Variants in EHHADH observed in about 807,000 individuals in gnomAD.
The protein encoded by EHHADH is enoyl-CoA hydratase and 3-hydroxyacyl CoA dehydrogenase.
EHHADH carries 48 observed loss-of-function variants against 64.4 expected under a neutral mutation model. The observed-to-expected ratio is 0.75, with a 90% CI of 0.59 to 0.95. The LOEUF is 0.95. Among genes scored for constraint, EHHADH ranks in the 40% least tolerant of loss-of-function variants. The probability of loss-of-function intolerance (pLI) is 0.00; values close to 1 mark genes in which losing one functional copy is unlikely to be tolerated. For missense variants in EHHADH, 854 were observed against 876.6 expected (o/e 0.97, Z 0.33); for synonymous variants, 308 against 326.7 (o/e 0.94, Z 0.62).
At chr3:185,228,257 A>AAAAAAAAACTATATAT (rs1367786172) in intron 4 of EHHADH, among the ~76,000 whole-genome samples, 1 of 21,994 alleles carries the variant, frequency 4.5e-5, no homozygotes, top group Non-Finnish European at 1.1e-4. Flanking sequence ...AAAAAAAAAA[A>AAAAAAAAACTATATAT]ATATATATAT....
intron 6 of EHHADH, among the ~76,000 whole-genome samples, chr3:185,195,923 A>C (rs774338458): frequency 2.0e-5 from 3 of 152,212 alleles, no homozygotes; most frequent in Non-Finnish European, 2.9e-5. Flanking sequence ...CCCTGAATCT[A>C]AAATAAAATT....
intron 2 of EHHADH, among the ~76,000 whole-genome samples, chr3:185,247,610 A>G (rs1719630085): frequency 6.6e-6 from 1 of 152,142 alleles, no homozygotes; most frequent in East Asian, 1.9e-4. Context: ...GATAAATGGT[A>G]ATATTATAAT....
chr3:185,201,729 A>G (rs1718232768), intron 6 of EHHADH, among the ~76,000 whole-genome samples: 1 of 152,214 alleles, frequency 6.6e-6, no homozygotes, highest in Non-Finnish European at 1.5e-5. Context: ...TTTCAAAACA[A>G]TGTGGATATC....
At chr3:185,203,365 TA>T (rs1362872612) in intron 6 of EHHADH, among the ~76,000 whole-genome samples, 5 of 152,024 alleles carry the variant, frequency 3.3e-5, no homozygotes, top group African/African-American at 1.2e-4. Flanking sequence ...TAATTATGAT[TA>T]AAAAAACTTA....
At chr3:185,208,048 AT>A (rs1159722823) in intron 5 of EHHADH, among the ~76,000 whole-genome samples, 3 of 152,258 alleles carry the variant, frequency 2.0e-5, no homozygotes, top group Non-Finnish European at 2.9e-5. Flanking sequence ...ACTCTAAGTA[AT>A]GGGCTGTCAT....
intron 4 of EHHADH, 120 bp from the exon 5 acceptor site, chr3:185,218,360 T>C: frequency 1.8e-6 from 1 of 558,274 alleles, no homozygotes. Context: ...TATTATTGAA[T>C]AAAATAAGTA....
In EHHADH at chr3:185,235,357, T is replaced by TG. The variant is rs749442251; in HGVS notation, c.283dup (p.Gln95ProfsTer18). On this transcript the variant is annotated frameshift_variant, in exon 3 of 7. Coordinates refer to ENST00000231887, the MANE Select transcript of EHHADH (RefSeq NM_001966.4). LOFTEE classifies it high-confidence loss of function. ...TAGTCCCCCTCCGAAAGCCATGCCTTGGATTGCTGCCACCACGGGCTTCTC... is the reference window on the plus strand; with the variant it reads ...TAGTCCCCCTCCGAAAGCCATGCCTTGGGATTGCTGCCACCACGGGCTTCTC... The TG allele has an allele frequency of 6.2e-7, 1 of 1,614,020 alleles. No homozygotes were observed. Among genetic ancestry groups the TG allele is most frequent in the Non-Finnish European group, 8.5e-7 (1 of 1,179,966 alleles).
chr3:185,253,965 G>A lies in EHHADH; in HGVS notation c.58C>T (p.Pro20Ser). The A allele has an allele frequency of 6.2e-7, 1 of 1,614,030 alleles. No individual in the cohort carries two copies. Among genetic ancestry groups the A allele is most frequent in the South Asian group, 1.1e-5 (1 of 91,082 alleles). ...ALALIRLRNP[P>S]VNAISTTLLR... ...GCCCGTTACCTGATCGCGTTGACCG[G>A]CGGGTTTCGGAGGCGGATTAGCGCC... Residue 20 changes from proline (P) to serine (S), a missense_variant, in exon 1 of 7, where the codon CCG (proline) becomes TCG (serine). Transcript: ENST00000231887.
At chr3:185,221,009 T>TAGA (rs767525814) in intron 4 of EHHADH, among the ~76,000 whole-genome samples, 1 of 152,238 alleles carries the variant, frequency 6.6e-6, no homozygotes, top group Non-Finnish European at 1.5e-5. Flanking sequence ...ATCATATTCT[T>TAGA]ACTGTTTTTA....
At position 185,192,418 on chromosome 3, in the gene EHHADH, C is replaced by G. The variant is rs201266244; in HGVS notation, c.1980G>C (p.Lys660Asn). 10 of 1,614,094 alleles carry G rather than the reference C, an allele frequency of 6.2e-6. No individual in the cohort carries two copies. The highest frequency in any genetic ancestry group is 7.6e-6 in the Non-Finnish European group (9 of 1,180,054). Residue 660 changes from lysine to asparagine, a missense_variant, in exon 7 of 7, where the codon AAG becomes AAC. Coordinates refer to ENST00000231887, the MANE Select transcript of EHHADH (RefSeq NM_001966.4). ...YLHGYGWPRH[K>N]GGPMFYASTV... is the part of the protein sequence containing the mutation. ...TGGAAGCATAGAACATGGGCCCGCC[C>G]TTGTGCCTTGGCCATCCATATCCAT... is the stretch of plus-strand genomic sequence containing the variant.
chr3:185,253,542 A>G (rs1719806272), intron 1 of EHHADH, among the ~76,000 whole-genome samples: 1 of 149,612 alleles, frequency 6.7e-6, no homozygotes. Context: ...CACGTTGTGC[A>G]CATGTACCCT....
intron 4 of EHHADH, among the ~76,000 whole-genome samples, chr3:185,225,195 C>T (rs1718941861): frequency 6.6e-6 from 1 of 152,168 alleles, no homozygotes; most frequent in Admixed American, 6.5e-5. Context: ...TTTGACATCT[C>T]CACTTGGATG....
At chr3:185,225,647 G>C (rs1361843392) in intron 4 of EHHADH, among the ~76,000 whole-genome samples, 1 of 152,064 alleles carries the variant, frequency 6.6e-6, no homozygotes, top group Non-Finnish European at 1.5e-5. Flanking sequence ...CACAAGAAAA[G>C]CCAAAGTTCT....
chr3:185,204,617 C>T lies in EHHADH; in HGVS notation c.709G>A (p.Val237Ile), dbSNP rs747529583. The change falls in exon 6 of 7, where the codon GTC (valine) becomes ATC (isoleucine). Residue 237 changes from valine (V) to isoleucine (I), a missense_variant. Transcript: ENST00000231887. ...CLAQEACVRA[V>I]QAAVQYPYEV... ...TAGGGATACTGCACAGCAGCCTGGA[C>T]TGCACGGACACAAGCCTCCTGTGCA... 4 of 1,614,234 alleles carry T rather than the reference C, an allele frequency of 2.5e-6. No homozygotes were observed. The highest frequency in any genetic ancestry group is 3.4e-6 in the Non-Finnish European group (4 of 1,180,030).
chr3:185,197,520 A>G (rs1718097708), intron 6 of EHHADH, among the ~76,000 whole-genome samples: 1 of 152,194 alleles, frequency 6.6e-6, no homozygotes, highest in African/African-American at 2.4e-5. Flanking sequence ...TACTCCAGGT[A>G]CCTCATGTAA....
In EHHADH at chr3:185,192,178, T is replaced by A. The variant is rs758321515; in HGVS notation, c.*48A>T. On this transcript the variant is annotated 3_prime_UTR_variant, in exon 7 of 7. Coordinates refer to ENST00000231887, the MANE Select transcript of EHHADH (RefSeq NM_001966.4). ...TTGATTTAATTTCACTGAAATTCAG[T>A]CAGCATTACCTGATGCTAGCATGTG... is the stretch of plus-strand genomic sequence containing the variant. The A allele has an allele frequency of 2.6e-6, 4 of 1,522,554 alleles. No individual in the cohort carries two copies. Among genetic ancestry groups the A allele is most frequent in the Non-Finnish European group, 3.5e-6 (4 of 1,130,830 alleles). The allele number at this position is 1,522,554 out of a possible 1,614,324, so 94.3% of individuals were successfully genotyped here. A position where few individuals can be genotyped will look rare whatever the true frequency, so the allele number is the denominator to read the frequency against.
chr3:185,194,900 T>C (rs1408473718), intron 6 of EHHADH, among the ~76,000 whole-genome samples: 2 of 142,422 alleles, frequency 1.4e-5, no homozygotes, highest in African/African-American at 5.2e-5. Flanking sequence ...ATTAGCAGAA[T>C]AGAACTGATA....
At chr3:185,232,518 G>A (rs977031015) in intron 3 of EHHADH, among the ~76,000 whole-genome samples, 14 of 152,006 alleles carry the variant, frequency 9.2e-5, no homozygotes, top group African/African-American at 1.9e-4. Flanking sequence ...GTGCGATCTC[G>A]GCTCACTGCA....
At chr3:185,195,439 A>C (rs1029890507) in intron 6 of EHHADH, among the ~76,000 whole-genome samples, 2 of 152,180 alleles carry the variant, frequency 1.3e-5, no homozygotes, top group African/African-American at 4.8e-5. Flanking sequence ...TGCAAAAAAC[A>C]GTTTAGCAGT....
Sources: gnomAD v4.1 joint callset for allele counts (sites outside exome capture counted in the v4.1 genomes callset) on GRCh38, gnomAD v4.1.1 for gene constraint, MANE v1.5 for transcripts, NCBI Gene and HGNC (gene_info 2026-07-23, HGNC 2026-07-21) for gene names.